Variants in B4GALT1 observed in about 807,000 individuals in gnomAD.
The protein encoded by B4GALT1 is N-acetyllactosamine synthase.
In B4GALT1, 16 loss-of-function variants were observed where a neutral mutation model predicts 34.9. The observed-to-expected ratio is 0.46, with a 90% CI of 0.31 to 0.70. The LOEUF (loss-of-function observed/expected upper bound fraction) is 0.70. B4GALT1 is among the 30% of genes least tolerant of loss of function. B4GALT1 has a pLI of 0.05. For missense variants in B4GALT1, 445 were observed against 530.5 expected, an observed-to-expected ratio of 0.84 and a Z score of 1.58; for synonymous variants, 221 against 218.1, an observed-to-expected ratio of 1.01 and a Z score of -0.12.
intron 1 of B4GALT1, among the ~76,000 whole-genome samples, chr9:33,143,771 C>T (rs990676574): frequency 2.0e-5 from 3 of 152,248 alleles, no homozygotes; most frequent in Admixed American, 6.5e-5. Flanking sequence ...ACAACTTACA[C>T]TCAGGAACTA....
chr9:33,113,167 C>G lies in B4GALT1; in HGVS notation c.*287G>C, dbSNP rs1365041009. ...CACCGGGAATGTGTTCCACGGCCAC[C>G]AAATTTTGGGATGTGTACAGTTCTG... On this transcript the variant is annotated 3_prime_UTR_variant, in exon 6 of 6. Coordinates refer to ENST00000379731, the MANE Select transcript of B4GALT1 (RefSeq NM_001497.4). The G allele has an allele frequency of 6.6e-6, 3 of 454,012 alleles. No individual in the cohort carries two copies. The highest frequency in any genetic ancestry group is 7.3e-5 in the Admixed American group (2 of 27,300). 28.1% of individuals were successfully genotyped at this position (454,012 alleles called of 1,614,324 possible). A position where few individuals can be genotyped will look rare whatever the true frequency, so the allele number is the denominator to read the frequency against.
At chr9:33,177,616 A>T in the B4GALT1 span, 1 of 152,362 alleles carries the variant, frequency 6.6e-6, no homozygotes, top group East Asian at 1.9e-4. Context: ...CTGATCTTTT[A>T]CAGAAAGTTT....
chr9:33,140,530 G>A (rs1388033410), intron 1 of B4GALT1, among the ~76,000 whole-genome samples: 1 of 152,164 alleles, frequency 6.6e-6, no homozygotes, highest in African/African-American at 2.4e-5. Flanking sequence ...CCATGGGTCA[G>A]GCCTCTAAGT....
At chr9:33,135,161 T>A (rs769564547) in intron 2 of B4GALT1, 28 bp downstream of exon 2, 1 of 1,590,944 alleles carries the variant, frequency 6.3e-7, no homozygotes, top group Non-Finnish European at 8.6e-7. Flanking sequence ...ACACACACCC[T>A]CTCTCATTCC....
rs1024138153 is a variant in B4GALT1 at position 33,112,014 on chromosome 9, T to C, written c.*1440A>G. On this transcript the variant is annotated 3_prime_UTR_variant, in exon 6 of 6. Coordinates refer to ENST00000379731, the MANE Select transcript of B4GALT1 (RefSeq NM_001497.4). Reference sequence around the variant, plus strand: ...CACATTCATGCTGGGGAATGGATAGTCTGTTTGACCCTGAGTGCCACAGTC... The same window carrying C: ...CACATTCATGCTGGGGAATGGATAGCCTGTTTGACCCTGAGTGCCACAGTC... 2 of 152,652 alleles carry C rather than the reference T, an allele frequency of 1.3e-5. No individual in the cohort carries two copies. Among genetic ancestry groups the C allele is most frequent in the Non-Finnish European group, 2.9e-5 (2 of 68,078 alleles). The allele number at this position is 152,652 out of a possible 1,614,324, so 9.5% of individuals were successfully genotyped here. A position where few individuals can be genotyped will look rare whatever the true frequency, so the allele number is the denominator to read the frequency against.
chr9:33,115,343 T>C (rs1230037115), intron 4 of B4GALT1, among the ~76,000 whole-genome samples: 3 of 152,236 alleles, frequency 2.0e-5, no homozygotes. Context: ...TGCTCATCGG[T>C]GGCTGGTGGG....
intron 3 of B4GALT1, among the ~76,000 whole-genome samples, chr9:33,116,503 T>C (rs1278471780): frequency 2.9e-5 from 4 of 137,048 alleles, no homozygotes; most frequent in South Asian, 4.6e-4. Context: ...ATTACAGTTG[T>C]AAGACACCAA....
intron 2 of B4GALT1, among the ~76,000 whole-genome samples, chr9:33,130,662 A>T (rs1186010759): frequency 6.6e-6 from 1 of 151,662 alleles, no homozygotes; most frequent in East Asian, 2.0e-4. Context: ...ACAACTTGTG[A>T]AAGTTCACTC....
At chr9:33,128,782 T>A (rs964616757) in intron 2 of B4GALT1, among the ~76,000 whole-genome samples, 1 of 152,010 alleles carries the variant, frequency 6.6e-6, no homozygotes, top group African/African-American at 2.4e-5. Context: ...AATGAGGCCA[T>A]AAGCCCAGGC....
At chr9:33,164,157 T>G (rs531832668) in intron 1 of B4GALT1, among the ~76,000 whole-genome samples, 1 of 152,270 alleles carries the variant, frequency 6.6e-6, no homozygotes, top group South Asian at 2.1e-4. Context: ...CCCAGACCCC[T>G]GGACACCAGA....
rs1289163116 is a variant in B4GALT1 at position 33,157,102 on chromosome 9, G to T, written c.412+9656C>A. Among the ~76,000 whole-genome samples, 36 of 50,556 alleles carry T rather than the reference G, an allele frequency of 7.1e-4. No individual in the cohort carries two copies. The East Asian group carries it at 0.01, about 14-fold the overall frequency. The allele number at this position is 50,556 out of a possible 152,430, so 33.2% of individuals were successfully genotyped here. A position where few individuals can be genotyped will look rare whatever the true frequency, so the allele number is the denominator to read the frequency against. On this transcript the variant is annotated intron_variant, in intron 1 of 5. Transcript: ENST00000379731. ...CACACACACACACACACACACACAC[G>T]GTGTCCAGCATAGGGAACTACACAC...
chr9:33,113,229 G>C lies in B4GALT1; in HGVS notation c.*225C>G. 1.6e-6 allele frequency: 1 copy of C among 613,474 alleles called. No homozygotes were observed. Among genetic ancestry groups the C allele is most frequent in the Non-Finnish European group, 2.9e-6 (1 of 346,492 alleles). 38.0% of individuals were successfully genotyped at this position (613,474 alleles called of 1,614,324 possible). On this transcript the variant is annotated 3_prime_UTR_variant, in exon 6 of 6. Transcript: ENST00000379731. ...ACACTGCGAACACATCAAGAAACCC[G>C]CAAAGGCATAAACACCTTGCAGAGC...
chr9:33,120,108 C>T lies in B4GALT1; in HGVS notation c.836+311G>A, dbSNP rs571936792. Among the ~76,000 whole-genome samples the T allele has an allele frequency of 2.3e-4, 35 of 151,552 alleles. 1 individual carries two copies. The East Asian group carries it at 2.3e-3, about 10-fold the overall frequency. The stretch of plus-strand genomic sequence containing the variant: ...CTGAGGTGACAGGATGGCATGAACC[C>T]GGGAGGCAGAGGTTGCGGTGAGCCA... On this transcript the variant is annotated intron_variant, in intron 3 of 5. Coordinates refer to ENST00000379731, the MANE Select transcript of B4GALT1 (RefSeq NM_001497.4).
At position 33,152,400 on chromosome 9, in the gene B4GALT1, AAAG is replaced by A. The variant is rs201868866; in HGVS notation, c.412+14355_412+14357del. On this transcript the variant is annotated intron_variant, in intron 1 of 5. Transcript: ENST00000379731. ...CTACATAGCTAAAGAAACCAGAGATAAAGAAGAGTGACAGATGGAGAGACCATA... is the reference window on the plus strand; with the variant it reads ...CTACATAGCTAAAGAAACCAGAGATAAAGAGTGACAGATGGAGAGACCATA... 9.7e-3 allele frequency among the ~76,000 whole-genome samples: 1,472 copies of A among 151,986 alleles called. 36 individuals carry two copies. Among genetic ancestry groups the A allele is most frequent in the African/African-American group, 0.034 (1,391 of 41,312 alleles).
rs1349761454 is a variant in B4GALT1 at position 33,120,587 on chromosome 9, T to C, written c.668A>G (p.Asn223Ser). Residue 223 changes from asparagine (N) to serine (S), a missense_variant, in exon 3 of 6, where the codon AAT becomes AGT. Physicochemically the swap from Asn to Ser is conservative, Grantham distance 46. This residue lies in a region of B4GALT1 where 349 missense variants were observed against 395.5 expected (regional missense o/e 0.88). Transcript: ENST00000379731. ...GCCAACATTGAGGAGCTTAGCACGA[T>C]TGAATATAGTGTCTCCCGCCTGGTG... ...VINQAGDTIF[N>S]RAKLLNVGFQ... The C allele has an allele frequency of 6.2e-6, 10 of 1,614,080 alleles. No homozygotes were observed. Among genetic ancestry groups the C allele is most frequent in the African/African-American group, 1.3e-5 (1 of 74,930 alleles).
At chr9:33,153,903 G>A (rs1417460239) in intron 1 of B4GALT1, among the ~76,000 whole-genome samples, 1 of 147,050 alleles carries the variant, frequency 6.8e-6, no homozygotes, top group Non-Finnish European at 1.5e-5. Flanking sequence ...ATCTCACGAC[G>A]AAAGAAAACG....
intron 2 of B4GALT1, among the ~76,000 whole-genome samples, chr9:33,130,287 T>C (rs1840174473): frequency 6.6e-6 from 1 of 152,158 alleles, no homozygotes; most frequent in African/African-American, 2.4e-5. Flanking sequence ...TTGAGTGAAG[T>C]CTCGTTTCCG....
intron 1 of B4GALT1, among the ~76,000 whole-genome samples, chr9:33,156,648 T>C (rs966332402): frequency 3.3e-5 from 5 of 152,170 alleles, no homozygotes; most frequent in Non-Finnish European, 5.9e-5. Flanking sequence ...CTTTCTTCAT[T>C]AGGGCCCTGT....
chr9:33,181,106 C>T, the B4GALT1 span, among the ~76,000 whole-genome samples: 1 of 152,094 alleles, frequency 6.6e-6, no homozygotes, highest in East Asian at 1.9e-4. Flanking sequence ...GAGAAATCTC[C>T]ACTTCCTTTA....
Sources: allele counts gnomAD v4.1 joint callset (sites outside exome capture counted in the v4.1 genomes callset), GRCh38; gene constraint gnomAD v4.1.1; regional missense constraint gnomAD v4.1.1; transcripts MANE v1.5; gene names NCBI Gene and HGNC (gene_info 2026-07-23, HGNC 2026-07-21).